TRAP1: variants seen among roughly 807,000 people sequenced by gnomAD.
TRAP1 encodes TNF receptor associated protein 1, also known as heat shock protein 75 kDa, mitochondrial.
In TRAP1, 102 loss-of-function variants were observed where a neutral mutation model predicts 89.1. That is an observed-to-expected ratio of 1.15 (90% CI 0.98 to 1.35). The LOEUF is 1.35. TRAP1 is among the 40% of genes most tolerant of loss of function. TRAP1 has a pLI of 0.00. For synonymous variants in TRAP1, 508 were observed against 388.0 expected (o/e 1.31, Z -3.64); for missense variants, 1,256 against 945.3 (o/e 1.33, Z -4.31).
At chr16:3,671,019 A>G (rs916265669) in intron 11 of TRAP1, among the ~76,000 whole-genome samples, 4 of 151,838 alleles carry the variant, frequency 2.6e-5, no homozygotes, top group Non-Finnish European at 5.9e-5. Flanking sequence ...CCATTTCAAC[A>G]CTGGAGAGAA....
At chr16:3,689,321 T>C (rs183793802) in intron 2 of TRAP1, among the ~76,000 whole-genome samples, 184 bp from the exon 3 acceptor site, 1 of 149,972 alleles carries the variant, frequency 6.7e-6, no homozygotes, top group African/African-American at 2.5e-5. Context: ...CTCGGCTCAC[T>C]GCAAGCTCTG....
At chr16:3,662,736 G>C (rs2043158659) in intron 15 of TRAP1, 146 bp downstream of exon 15, 1 of 760,648 alleles carries the variant, frequency 1.3e-6, no homozygotes, top group Non-Finnish European at 2.3e-6. Flanking sequence ...GTGCCGAGCA[G>C]GGACCCACAG....
intron 1 of TRAP1, among the ~76,000 whole-genome samples, chr16:3,694,242 G>A (rs899105199): frequency 4.6e-5 from 7 of 152,060 alleles, no homozygotes; most frequent in African/African-American, 1.7e-4. Flanking sequence ...CTGGAGTTAG[G>A]CCCCACCCCC....
intron 1 of TRAP1, among the ~76,000 whole-genome samples, chr16:3,691,603 G>A (rs531245586): frequency 4.0e-5 from 6 of 151,758 alleles, no homozygotes; most frequent in Non-Finnish European, 5.9e-5. Flanking sequence ...AACCTGTCTC[G>A]ACCCTCGCAG....
chr16:3,662,502 T>C (rs2043141815), intron 15 of TRAP1: 2 of 519,332 alleles, frequency 3.9e-6, no homozygotes, highest in African/African-American at 3.8e-5. Context: ...GGGGGAGTCT[T>C]AGCTCTCTGA....
intron 1 of TRAP1, among the ~76,000 whole-genome samples, chr16:3,693,897 G>A (rs1377899142): frequency 3.3e-5 from 5 of 151,938 alleles, no homozygotes; most frequent in African/African-American, 9.7e-5. Context: ...TGAGGCTGAG[G>A]TGGGAAGATC....
At chr16:3,662,998 G>T in intron 14 of TRAP1, 31 bp from the exon 15 acceptor site, 2 of 1,551,366 alleles carry the variant, frequency 1.3e-6, no homozygotes, top group Non-Finnish European at 1.7e-6. Flanking sequence ...GGGAGCTCAG[G>T]CCTGCATCCC....
chr16:3,667,596 G>A (rs1170053881), intron 11 of TRAP1, among the ~76,000 whole-genome samples: 2 of 150,694 alleles, frequency 1.3e-5, no homozygotes, highest in Non-Finnish European at 2.9e-5. Flanking sequence ...CTGCACTCCA[G>A]CCTGAGCAAC....
rs78960408 is a variant in TRAP1 at position 3,701,670 on chromosome 16, C to A, written c.89-10685G>T. Among the ~76,000 whole-genome samples, 575 of 152,134 alleles carry A rather than the reference C, an allele frequency of 3.8e-3. 2 individuals are homozygous for A. Among genetic ancestry groups the A allele is most frequent in the African/African-American group, 0.013 (549 of 41,520 alleles). ...AGCACCAAACTATATATGAACACAG[C>A]AAGCTCTCCACGAGCTATGTAGTGA... On this transcript the variant is annotated intron_variant, in intron 1 of 17. Transcript: ENST00000246957.
At chr16:3,712,868 G>A (rs1478338818) in intron 1 of TRAP1, among the ~76,000 whole-genome samples, 4 of 152,236 alleles carry the variant, frequency 2.6e-5, no homozygotes, top group South Asian at 4.1e-4. Context: ...CACCCACCTC[G>A]GCCTCCCAAA....
At chr16:3,675,298 A>G (rs779177212) in intron 8 of TRAP1, 26 bp downstream of exon 8, 2 of 1,610,156 alleles carry the variant, frequency 1.2e-6, no homozygotes, top group South Asian at 2.2e-5. Flanking sequence ...ATGTTTGACC[A>G]GTCCCTAGAG....
intron 1 of TRAP1, among the ~76,000 whole-genome samples, chr16:3,695,348 C>A (rs1465211078): frequency 6.6e-6 from 1 of 151,906 alleles, no homozygotes; most frequent in African/African-American, 2.4e-5. Flanking sequence ...TCTCTTAGAA[C>A]CATGGTCAGG....
chr16:3,712,586 T>C (rs129969), intron 1 of TRAP1, among the ~76,000 whole-genome samples: 10,072 of 152,184 alleles, frequency 0.066, 397 homozygotes, highest in Middle Eastern at 0.11. Context: ...CAATAAACGC[T>C]TTGCTAATCT....
At position 3,666,012 on chromosome 16, in the gene TRAP1, T is replaced by C. The variant is rs143608787; in HGVS notation, c.1342A>G (p.Met448Val). 20 of 1,614,054 alleles carry C rather than the reference T, an allele frequency of 1.2e-5. No individual in the cohort carries two copies. The highest frequency in any genetic ancestry group is 1.7e-5 in the Non-Finnish European group (20 of 1,180,034). Reference protein sequence around the residue: ...AKFFEDYGLFMREGIVTATEQ... With the variant: ...AKFFEDYGLFVREGIVTATEQ... ...GTGGCGGTCACAATGCCCTCCCGCA[T>C]GAACAGGCCGTAATCTTCAAAAAAC... The change falls in exon 12 of 18, where the codon ATG becomes GTG. Residue 448 changes from methionine to valine, a missense_variant. Transcript: ENST00000246957.
At chr16:3,663,948 A>G in intron 13 of TRAP1, 1 of 347,842 alleles carries the variant, frequency 2.9e-6, no homozygotes, top group East Asian at 6.0e-5. Flanking sequence ...CTGTAGTCCC[A>G]GCTACTCAGG....
intron 4 of TRAP1, among the ~76,000 whole-genome samples, chr16:3,681,305 G>A (rs770448227): frequency 9.2e-5 from 14 of 152,154 alleles, no homozygotes; most frequent in Non-Finnish European, 1.8e-4. Context: ...AGCACCAGGC[G>A]CCAGTGCTGT....
rs2050974440 is a variant in TRAP1, at chr16:3,675,323, C to T, written c.888+1G>A. On this transcript the variant is annotated splice_donor_variant, in intron 8 of 17. Coordinates refer to ENST00000246957, the MANE Select transcript of TRAP1 (RefSeq NM_016292.3). LOFTEE classifies it high-confidence loss of function. The stretch of plus-strand genomic sequence containing the variant: ...AGTCCCTAGAGGAACTCAGGGCTCA[C>T]CTGCAAGGTGTTCATCCGCCTTCCA... 4 of 1,613,920 alleles carry T rather than the reference C, an allele frequency of 2.5e-6. No homozygotes were observed. The highest frequency in any genetic ancestry group is 1.3e-5 in the African/African-American group (1 of 74,924).
chr16:3,690,765 C>A, intron 2 of TRAP1, 62 bp downstream of exon 2: 1 of 1,327,128 alleles, frequency 7.5e-7, no homozygotes, highest in Admixed American at 3.0e-5. Flanking sequence ...CCTGAAAATG[C>A]CCCTTTACGC....
intron 11 of TRAP1, among the ~76,000 whole-genome samples, 163 bp from the exon 12 acceptor site, chr16:3,666,281 C>T (rs1372477443): frequency 1.3e-5 from 2 of 152,234 alleles, no homozygotes; most frequent in Non-Finnish European, 2.9e-5. Flanking sequence ...AAGACAGAAA[C>T]CCTGGGCAGT....
Sources: gnomAD v4.1 joint callset for allele counts (sites outside exome capture counted in the v4.1 genomes callset) on GRCh38, gnomAD v4.1.1 for gene constraint, MANE v1.5 for transcripts, NCBI Gene and HGNC (gene_info 2026-07-23, HGNC 2026-07-21) for gene names.